Variants in VWF observed in about 807,000 individuals in gnomAD.
The protein encoded by VWF is Factor VIII related antigen.
In VWF, 176 loss-of-function variants were observed where a neutral mutation model predicts 308.6. The observed-to-expected ratio is 0.57, with a 90% confidence interval of 0.50 to 0.65. VWF has a LOEUF of 0.65. Ranked by LOEUF, VWF falls within the 30% of genes least tolerant of loss-of-function variation. The pLI is 0.00. For synonymous variants in VWF, 1,385 were observed against 1,443.4 expected, an observed-to-expected ratio of 0.96 and a Z score of 0.92; for missense variants, 3,146 against 3,648.2, an observed-to-expected ratio of 0.86 and a Z score of 3.55.
In VWF at chr12:5,952,471, T is replaced by C. The variant is rs377514450; in HGVS notation, c.8035A>G (p.Asn2679Asp). ...TCCCAGAAGTACTCTCCTCTCTCATTGACCTTGCAGAAGTGAGTATCACAG... is the reference window on the plus strand; with the variant it reads ...TCCCAGAAGTACTCTCCTCTCTCATCGACCTTGCAGAAGTGAGTATCACAG... ...DGCDTHFCKV[N>D]ERGEYFWEKR... The change falls in exon 49 of 52, where the codon AAT becomes GAT. Residue 2679 changes from asparagine (N) to aspartate (D), a missense_variant. Physicochemically the swap from Asn to Asp is conservative, Grantham distance 23 (BLOSUM62 1). Transcript: ENST00000261405. 43 of 1,614,096 alleles carry C rather than the reference T, an allele frequency of 2.7e-5. No individual in the cohort carries two copies. In the African/African-American group the frequency reaches 5.6e-4, roughly 21 times the overall value.
intron 10 of VWF, among the ~76,000 whole-genome samples, chr12:6,067,701 G>A (rs1017219678): frequency 7.2e-5 from 11 of 152,124 alleles, no homozygotes; most frequent in Non-Finnish European, 1.5e-4. Context: ...ACCCAGGATG[G>A]GACACTAGGA....
intron 40 of VWF, among the ~76,000 whole-genome samples, chr12:5,983,546 T>TA (rs796156549): frequency 2.3e-5 from 3 of 131,862 alleles, no homozygotes; most frequent in Admixed American, 7.4e-5. Flanking sequence ...GATAGATGGA[T>TA]GATAGATAGA....
At chr12:6,034,905 G>T in intron 19 of VWF, 79 bp from the exon 20 acceptor site, 1 of 1,573,426 alleles carries the variant, frequency 6.4e-7, no homozygotes, top group Non-Finnish European at 8.7e-7. Context: ...AGGCAATGAA[G>T]GAACACAGAA....
intron 8 of VWF, 94 bp downstream of exon 8, chr12:6,073,525 C>T (rs551035630): frequency 1.4e-4 from 217 of 1,566,216 alleles, no homozygotes; most frequent in Non-Finnish European, 1.7e-4. Context: ...ATTTCAGCAA[C>T]GGGGAGCAAA....
intron 6 of VWF, among the ~76,000 whole-genome samples, chr12:6,092,173 C>T (rs1208346809): frequency 6.6e-6 from 1 of 152,116 alleles, no homozygotes; most frequent in African/African-American, 2.4e-5. Flanking sequence ...AACGGACTCC[C>T]CCTTGGCCAA....
At chr12:5,985,251 G>T in intron 39 of VWF, 132 bp from the exon 40 acceptor site, 1 of 934,298 alleles carries the variant, frequency 1.1e-6, no homozygotes. Context: ...TCCAGGCCAC[G>T]GGACCTCTGA....
At chr12:6,123,858 G>A (rs935080742) in intron 1 of VWF, among the ~76,000 whole-genome samples, 1 of 152,110 alleles carries the variant, frequency 6.6e-6, no homozygotes, top group East Asian at 1.9e-4. Context: ...ACCCCCAAGA[G>A]AGGGACAATT....
intron 18 of VWF, among the ~76,000 whole-genome samples, chr12:6,043,379 C>T (rs879915307): frequency 2.6e-5 from 4 of 152,184 alleles, no homozygotes; most frequent in Non-Finnish European, 4.4e-5. Flanking sequence ...GAGTCCTGGG[C>T]AACACTAAGT....
At chr12:6,012,231 C>A in intron 32 of VWF, 101 bp from the exon 33 acceptor site, 4 of 1,233,906 alleles carry the variant, frequency 3.2e-6, no homozygotes, top group South Asian at 1.2e-5. Context: ...TTTTTGAAGT[C>A]AACTCAACTC....
rs1268416318 is a variant in VWF at position 6,072,357 on chromosome 12, G to A, written c.1083C>T (p.Thr361=). 1.2e-6 allele frequency: 2 copies of A among 1,613,976 alleles called. No individual in the cohort carries two copies. Among genetic ancestry groups the A allele is most frequent in the Admixed American group, 1.7e-5 (1 of 60,004 alleles). ...VHSGKRYPPG[T]SLSRDCNTCI... ...AGGTGTTGCAGTCTCGAGAGAGGGA[G>A]GTGCCGGGAGGGTAGCGCTTTCCGG... Residue 361 remains threonine, a synonymous_variant, in exon 9 of 52, where the codon ACC becomes ACT. Transcript: ENST00000261405.
chr12:5,952,609 G>A (rs1395333978), intron 48 of VWF, 90 bp from the exon 49 acceptor site: 31 of 1,514,188 alleles, frequency 2.0e-5, no homozygotes, highest in African/African-American at 4.1e-5. Flanking sequence ...TGGAGATGAC[G>A]AAACAATCTG....
chr12:6,075,448 A>G lies in VWF; in HGVS notation c.761T>C (p.Leu254Ser), dbSNP rs770617263. Reference protein sequence around the residue: ...EPFVALCEKTLCECAGGLECA... With the variant: ...EPFVALCEKTSCECAGGLECA... ...CTCCAGCCCCCCAGCACACTCACAC[A>G]AAGTCTTCTCACACAGGGCCACAAA... The change falls in exon 7 of 52, where the codon TTG (leucine) becomes TCG (serine). Residue 254 changes from leucine to serine, a missense_variant. This residue lies in a region of VWF where 1,304 missense variants were observed against 1,353.0 expected (regional missense o/e 0.96). Transcript: ENST00000261405. This position sits in a 1 kb window ranked among gnomAD's most constrained non-coding sequence, Gnocchi z 4.7. 16 of 1,614,050 alleles carry G rather than the reference A, an allele frequency of 9.9e-6. No homozygotes were observed. The highest frequency in any genetic ancestry group is 1.2e-5 in the Non-Finnish European group (14 of 1,180,020).
chr12:6,095,706 G>A (rs931665190), intron 5 of VWF, 122 bp from the exon 6 acceptor site: 50 of 1,437,388 alleles, frequency 3.5e-5, no homozygotes, highest in Non-Finnish European at 4.2e-5. Flanking sequence ...TAAAGAGACA[G>A]GGTCTGGCTA....
At position 6,012,273 on chromosome 12, in the gene VWF, G is replaced by A. The variant is rs982940389; in HGVS notation, c.5621-143C>T. On this transcript the variant is annotated intron_variant, in intron 32 of 51. Coordinates refer to ENST00000261405, the MANE Select transcript of VWF (RefSeq NM_000552.5). Reference sequence around the variant, plus strand: ...GAATCTGAACAAGGTTAACAGTGGAGACATAGGGACATGAGGCTGAGGTGG... The same window carrying A: ...GAATCTGAACAAGGTTAACAGTGGAAACATAGGGACATGAGGCTGAGGTGG... 22 of 901,848 alleles carry A rather than the reference G, an allele frequency of 2.4e-5. No homozygotes were observed. In the Admixed American group the frequency reaches 3.9e-4, roughly 16 times the overall value. The allele number at this position is 901,848 out of a possible 1,614,324, so 55.9% of individuals were successfully genotyped here.
intron 46 of VWF, 130 bp downstream of exon 46, chr12:5,967,997 G>T: frequency 7.6e-7 from 1 of 1,317,054 alleles, no homozygotes; most frequent in Non-Finnish European, 1.1e-6. Flanking sequence ...CCCACAGGCA[G>T]TGGAAAGCTG....
chr12:5,962,572 C>A (rs951751965), intron 47 of VWF, among the ~76,000 whole-genome samples: 3 of 119,738 alleles, frequency 2.5e-5, no homozygotes, highest in Non-Finnish European at 3.3e-5. Flanking sequence ...GAGACAGAGT[C>A]TCGCTCTGTC....
In VWF at chr12:6,078,746, A is replaced by T. The variant is rs535208142; in HGVS notation, c.658-3195T>A. ...CAGGACACAGTACCAGCCAAGGGAAAGAAGAGACCCAGGAATCCAGGCACC... is the reference window on the plus strand; with the variant it reads ...CAGGACACAGTACCAGCCAAGGGAATGAAGAGACCCAGGAATCCAGGCACC... On this transcript the variant is annotated intron_variant, in intron 6 of 51. Transcript: ENST00000261405. 5.3e-4 allele frequency among the ~76,000 whole-genome samples: 80 copies of T among 152,294 alleles called. 1 individual carries two copies. The highest frequency in any genetic ancestry group is 1.8e-3 in the African/African-American group (75 of 41,564).
At chr12:6,108,894 T>C (rs1181195863) in intron 5 of VWF, among the ~76,000 whole-genome samples, 1 of 147,628 alleles carries the variant, frequency 6.8e-6, no homozygotes, top group African/African-American at 2.5e-5. Context: ...GGCAGGAGAA[T>C]GGCGTGAACC....
rs11063962 is a variant in VWF, at chr12:5,967,615, G to A, written c.7771-13C>T. On this transcript the variant is annotated splice_polypyrimidine_tract_variant and intron_variant, in intron 46 of 51. Transcript: ENST00000261405. The stretch of plus-strand genomic sequence containing the variant: ...CAGTCTTCCCGGGCTGGAAGCAGAG[G>A]CACCAGGGTCAGGCCCCCCAGCATC... The A allele has an allele frequency of 0.079, 126,803 of 1,611,768 alleles. 5,419 individuals carry two copies. The highest frequency in any genetic ancestry group is 0.09 in the South Asian group (8,230 of 91,056).
Sources: allele counts gnomAD v4.1 joint callset (sites outside exome capture counted in the v4.1 genomes callset), GRCh38; gene constraint gnomAD v4.1.1; regional missense constraint gnomAD v4.1.1; non-coding constraint Gnocchi (gnomAD v3.1); transcripts MANE v1.5; gene names NCBI Gene and HGNC (gene_info 2026-07-23, HGNC 2026-07-21).